The following TRIM24 variants were observed in gnomAD, a reference collection of about 807,000 sequenced individuals.
TRIM24 encodes the protein tripartite motif containing 24.
Under a neutral mutation model 123.9 loss-of-function variants are expected in TRIM24, and 29 were observed. The observed-to-expected ratio is 0.23, with a 90% CI of 0.17 to 0.32. TRIM24 has a LOEUF of 0.32. Ranked by LOEUF, TRIM24 falls within the 10% of genes least tolerant of loss-of-function variation. TRIM24 has a pLI of 1.00. For synonymous variants in TRIM24, 456 were observed against 461.1 expected, an observed-to-expected ratio of 0.99 and a Z score of 0.14; for missense variants, 932 against 1,295.3, an observed-to-expected ratio of 0.72 and a Z score of 4.31.
chr7:138,463,054 T>G (rs1039679651), intron 1 of TRIM24, among the ~76,000 whole-genome samples: 4 of 142,090 alleles, frequency 2.8e-5, no homozygotes, highest in African/African-American at 7.8e-5. Context: ...TTTTTTTTTT[T>G]TTTTTTTTTT....
At chr7:138,508,717 G>GTGTGCGTGTGTGTGTC (rs1796217537) in intron 2 of TRIM24, among the ~76,000 whole-genome samples, 1 of 147,384 alleles carries the variant, frequency 6.8e-6, no homozygotes, top group South Asian at 2.2e-4. Context: ...GCGTGTGTGT[G>GTGTGCGTGTGTGTGTC]TGCGTGTGTG....
Position 138,573,638 on chromosome 7 carries a change from T to C in TRIM24, c.2010T>C (p.Leu670=). 6.2e-7 allele frequency: 1 copy of C among 1,602,952 alleles called. No homozygotes were observed. Among genetic ancestry groups the C allele is most frequent in the Non-Finnish European group, 8.5e-7 (1 of 1,177,366 alleles). ...SPNSSVPSPG[L]AGPVTMTSVH... is the part of the protein sequence containing the mutation. The stretch of plus-strand genomic sequence containing the variant: ...ATTCATCAGTGCCATCTCCAGGCCT[T>C]GCAGGTAAAGTGGGCTTCTTTTGAT... The change falls in exon 12 of 19, where the codon CTT becomes CTC. Residue 670 remains leucine (L), a synonymous_variant. Coordinates refer to ENST00000343526, the MANE Select transcript of TRIM24 (RefSeq NM_015905.3).
intron 2 of TRIM24, among the ~76,000 whole-genome samples, chr7:138,508,662 AGTGTGTGTGTGTGT>A (rs781643258): frequency 2.2e-4 from 25 of 112,904 alleles, no homozygotes; most frequent in East Asian, 9.1e-4. Flanking sequence ...TAATAAGAGG[AGTGTGTGTGTGTGT>A]GTGTGTGTGT....
At chr7:138,461,113 C>A in intron 1 of TRIM24, 1 of 716,424 alleles carries the variant, frequency 1.4e-6, no homozygotes, top group South Asian at 1.5e-5. Flanking sequence ...AGCAACTTCC[C>A]CGGGCGCTGT....
chr7:138,492,733 G>A (rs1470639381), intron 1 of TRIM24, among the ~76,000 whole-genome samples: 1 of 152,162 alleles, frequency 6.6e-6, no homozygotes, highest in African/African-American at 2.4e-5. Context: ...TAGTTGTAAA[G>A]TTACCGCAGT....
chr7:138,504,778 T>C (rs888046230), intron 2 of TRIM24, among the ~76,000 whole-genome samples: 2 of 143,280 alleles, frequency 1.4e-5, no homozygotes, highest in African/African-American at 5.2e-5. Context: ...TTTTTTTAAT[T>C]GAGATGGAGT....
At chr7:138,540,427 A>G (rs948167570) in intron 7 of TRIM24, among the ~76,000 whole-genome samples, 1 of 152,232 alleles carries the variant, frequency 6.6e-6, no homozygotes, top group Non-Finnish European at 1.5e-5. Context: ...TGTCATCTCA[A>G]CAATGATCAC....
At chr7:138,466,197 G>C (rs1795132671) in intron 1 of TRIM24, among the ~76,000 whole-genome samples, 1 of 152,108 alleles carries the variant, frequency 6.6e-6, no homozygotes, top group Non-Finnish European at 1.5e-5. Flanking sequence ...GTTTCACCAT[G>C]TTGGCCAGGC....
intron 7 of TRIM24, 81 bp downstream of exon 7, chr7:138,538,884 C>A: frequency 7.6e-7 from 1 of 1,310,534 alleles, no homozygotes; most frequent in Non-Finnish European, 1.0e-6. Flanking sequence ...AAAATTTATT[C>A]TGCTTGTGCA....
chr7:138,506,665 G>A (rs1353249495), intron 2 of TRIM24, among the ~76,000 whole-genome samples: 3 of 152,182 alleles, frequency 2.0e-5, no homozygotes, highest in South Asian at 2.1e-4. Flanking sequence ...TTTTCAGTAC[G>A]TTTATGTTTA....
At chr7:138,503,674 G>A (rs1796090910) in intron 1 of TRIM24, among the ~76,000 whole-genome samples, 1 of 150,032 alleles carries the variant, frequency 6.7e-6, no homozygotes, top group Non-Finnish European at 1.5e-5. Context: ...TGTGCACAAC[G>A]TGCAGGTTTG....
At chr7:138,462,600 A>G (rs943050483) in intron 1 of TRIM24, among the ~76,000 whole-genome samples, 9 of 151,902 alleles carry the variant, frequency 5.9e-5, no homozygotes, top group African/African-American at 2.2e-4. Context: ...TCGGCCTCCC[A>G]AAGTGCTGGG....
At position 138,514,897 on chromosome 7, in the gene TRIM24, T is replaced by C. The variant is rs570636398; in HGVS notation, c.484-315T>C. On this transcript the variant is annotated intron_variant, in intron 2 of 18. Coordinates refer to ENST00000343526, the MANE Select transcript of TRIM24 (RefSeq NM_015905.3). ...TGCACTATGTACAAGACTGTAGTTA[T>C]CATAAGGGCAGCGACCATGTTTGCT... 26 of 218,198 alleles carry C rather than the reference T, an allele frequency of 1.2e-4. No individual in the cohort carries two copies. The South Asian group carries it at 2.2e-3, about 18-fold the overall frequency. The allele number at this position is 218,198 out of a possible 1,614,324, so 13.5% of individuals were successfully genotyped here. A position where few individuals can be genotyped will look rare whatever the true frequency, so the allele number is the denominator to read the frequency against.
intron 14 of TRIM24, among the ~76,000 whole-genome samples, chr7:138,578,532 T>TGTGTG (rs1797815326): frequency 6.8e-5 from 10 of 146,790 alleles, no homozygotes; most frequent in African/African-American, 2.5e-4. Flanking sequence ...GGTGGTGGTT[T>TGTGTG]TGTGTGTGTG....
In TRIM24 at chr7:138,570,765, T is replaced by G. The variant is rs1797637419; in HGVS notation, c.1705-65T>G. On this transcript the variant is annotated intron_variant, in intron 10 of 18. Coordinates refer to ENST00000343526, the MANE Select transcript of TRIM24 (RefSeq NM_015905.3). ...CTTCTACTTCATTTTGTGTGAGTGA[T>G]TACATAGATGTTGTATTTTATAAGC... is the stretch of plus-strand genomic sequence containing the variant. 3 of 1,536,944 alleles carry G rather than the reference T, an allele frequency of 2.0e-6. No individual in the cohort carries two copies. In the South Asian group the frequency reaches 3.7e-5, roughly 19 times the overall value.
intron 1 of TRIM24, among the ~76,000 whole-genome samples, chr7:138,466,737 A>G (rs1395119599): frequency 6.6e-6 from 1 of 152,048 alleles, no homozygotes; most frequent in African/African-American, 2.4e-5. Context: ...TATTGCAGGT[A>G]TTGACTCTGG....
chr7:138,567,184 C>CA (rs1412802025), intron 9 of TRIM24, among the ~76,000 whole-genome samples: 4 of 152,268 alleles, frequency 2.6e-5, no homozygotes, highest in South Asian at 4.2e-4. Flanking sequence ...ACCAAAGACA[C>CA]ATTTTATTTA....
chr7:138,479,980 G>A (rs1020354048), intron 1 of TRIM24, among the ~76,000 whole-genome samples: 2 of 151,558 alleles, frequency 1.3e-5, no homozygotes, highest in African/African-American at 4.9e-5. Flanking sequence ...CAACACCTCC[G>A]GCTAATTTTT....
chr7:138,571,930 T>C (rs1797665827), intron 11 of TRIM24, among the ~76,000 whole-genome samples: 1 of 152,172 alleles, frequency 6.6e-6, no homozygotes, highest in South Asian at 2.1e-4. Context: ...CATATATAAG[T>C]TGATTCTGTG....
Sources: gnomAD v4.1 joint callset for allele counts (sites outside exome capture counted in the v4.1 genomes callset) on GRCh38, gnomAD v4.1.1 for gene constraint, MANE v1.5 for transcripts, NCBI Gene and HGNC (gene_info 2026-07-23, HGNC 2026-07-21) for gene names.